ALDH1A2: variants seen among roughly 807,000 people sequenced by gnomAD.
ALDH1A2 encodes retinal dehydrogenase 2.
ALDH1A2 carries 27 observed loss-of-function variants against 60.3 expected under a neutral mutation model. That is an observed-to-expected ratio of 0.45 (90% CI 0.33 to 0.62). The LOEUF is 0.62. Among genes scored for constraint, ALDH1A2 ranks in the 20% least tolerant of loss-of-function variants. The pLI is 0.02. For missense variants in ALDH1A2, 581 were observed against 643.8 expected, an observed-to-expected ratio of 0.90 and a Z score of 1.06; for synonymous variants, 289 against 232.4, an observed-to-expected ratio of 1.24 and a Z score of -2.21.
intron 7 of ALDH1A2, chr15:57,980,239 C>T (rs368317073): frequency 6.3e-5 from 21 of 335,556 alleles, no homozygotes; most frequent in African/African-American, 2.8e-4. Flanking sequence ...CCCCGCTCTG[C>T]GGCCTCTTAG....
intron 7 of ALDH1A2, among the ~76,000 whole-genome samples, chr15:57,982,560 T>G (rs1894552144): frequency 6.6e-6 from 1 of 152,218 alleles, no homozygotes; most frequent in Non-Finnish European, 1.5e-5. Flanking sequence ...CAGGCTGAAC[T>G]ACATTAATGC....
chr15:57,992,126 A>G (rs1044078907), intron 7 of ALDH1A2, among the ~76,000 whole-genome samples: 1 of 152,274 alleles, frequency 6.6e-6, no homozygotes, highest in East Asian at 1.9e-4. Flanking sequence ...CTATAAATAA[A>G]CTTTAATTGG....
intron 1 of ALDH1A2, among the ~76,000 whole-genome samples, chr15:58,017,934 A>G (rs1392955983): frequency 1.3e-5 from 2 of 152,194 alleles, no homozygotes; most frequent in Non-Finnish European, 2.9e-5. Context: ...ACCTAGTCTT[A>G]TAAAATGACA....
intron 1 of ALDH1A2, among the ~76,000 whole-genome samples, chr15:58,060,517 T>C (rs1347065718): frequency 7.5e-6 from 1 of 132,604 alleles, no homozygotes; most frequent in East Asian, 2.5e-4. Context: ...CCTGGCATCA[T>C]ATCAGGCACT....
At chr15:58,012,187 T>A (rs1895652086) in intron 3 of ALDH1A2, 1 of 152,168 alleles carries the variant, frequency 6.6e-6, no homozygotes, top group Non-Finnish European at 1.5e-5. Context: ...GAAAGGCATT[T>A]GAGTTTTATT....
At chr15:57,976,768 G>A (rs1894273591) in intron 7 of ALDH1A2, among the ~76,000 whole-genome samples, 1 of 152,090 alleles carries the variant, frequency 6.6e-6, no homozygotes, top group Non-Finnish European at 1.5e-5. Flanking sequence ...ATAATCCTTT[G>A]GGTATATACC....
At chr15:58,048,547 G>A (rs1896692497) in intron 1 of ALDH1A2, among the ~76,000 whole-genome samples, 2 of 152,030 alleles carry the variant, frequency 1.3e-5, no homozygotes, top group Admixed American at 1.3e-4. Context: ...GTATGGATGG[G>A]GGATCTGCCC....
intron 1 of ALDH1A2, among the ~76,000 whole-genome samples, chr15:58,034,179 T>G (rs1896318049): frequency 6.6e-6 from 1 of 151,676 alleles, no homozygotes; most frequent in South Asian, 2.1e-4. Context: ...GTGGTTTCCC[T>G]TATAAATGTA....
intron 1 of ALDH1A2, among the ~76,000 whole-genome samples, chr15:58,036,132 T>C (rs1217571275): frequency 1.3e-5 from 2 of 151,704 alleles, no homozygotes; most frequent in African/African-American, 4.8e-5. Flanking sequence ...AAAGAAGTAA[T>C]AGTATATTTT....
At chr15:57,988,112 C>T (rs1894771766) in intron 7 of ALDH1A2, among the ~76,000 whole-genome samples, 1 of 152,050 alleles carries the variant, frequency 6.6e-6, no homozygotes, top group South Asian at 2.1e-4. Flanking sequence ...ATTCAAAAAA[C>T]AAATTTTAAA....
At chr15:58,019,093 A>T (rs1200150838) in intron 1 of ALDH1A2, among the ~76,000 whole-genome samples, 1 of 152,140 alleles carries the variant, frequency 6.6e-6, no homozygotes, top group Non-Finnish European at 1.5e-5. Context: ...TGTACACAGA[A>T]ATTTTTGCAC....
At chr15:57,973,046 A>G (rs999470096) in intron 7 of ALDH1A2, among the ~76,000 whole-genome samples, 2 of 152,224 alleles carry the variant, frequency 1.3e-5, no homozygotes, top group East Asian at 1.9e-4. Flanking sequence ...TACAGCTGTT[A>G]GCTACAAACA....
chr15:58,044,781 A>G (rs1896598593), intron 1 of ALDH1A2, among the ~76,000 whole-genome samples: 1 of 152,032 alleles, frequency 6.6e-6, no homozygotes, highest in African/African-American at 2.4e-5. Flanking sequence ...GAGGACCTCA[A>G]AACCAATCCT....
At chr15:58,054,047 C>T (rs1896838103) in intron 1 of ALDH1A2, among the ~76,000 whole-genome samples, 1 of 152,124 alleles carries the variant, frequency 6.6e-6, no homozygotes, top group African/African-American at 2.4e-5. Context: ...GTGGTTATTC[C>T]AGGTTCATTG....
chr15:58,046,199 T>C (rs551422298), intron 1 of ALDH1A2, among the ~76,000 whole-genome samples: 279 of 152,150 alleles, frequency 1.8e-3, no homozygotes, highest in African/African-American at 6.1e-3. Flanking sequence ...ATGTGAATGG[T>C]GCAGATGGTT....
Position 58,016,137 on chromosome 15 carries a change from A to ATTT in ALDH1A2, c.118-1859_118-1857dup, listed in dbSNP as rs532101226. ...GTATCACCAAGGCCCACTGATCCTA[A>ATTT]TTTTTTTTTTTTTTTTTTTTTAAGA... is the stretch of plus-strand genomic sequence containing the variant. On this transcript the variant is annotated intron_variant, in intron 1 of 12. Coordinates refer to ENST00000249750, the MANE Select transcript of ALDH1A2 (RefSeq NM_003888.4). 2.9e-3 allele frequency among the ~76,000 whole-genome samples: 391 copies of ATTT among 134,400 alleles called. 3 individuals are homozygous for ATTT. Among genetic ancestry groups the ATTT allele is most frequent in the African/African-American group, 0.01 (373 of 36,142 alleles). The allele number at this position is 134,400 out of a possible 152,430, so 88.2% of individuals were successfully genotyped here.
intron 1 of ALDH1A2, among the ~76,000 whole-genome samples, chr15:58,023,277 A>C (rs1230420376): frequency 5.9e-5 from 9 of 152,214 alleles, no homozygotes; most frequent in Non-Finnish European, 1.5e-5. Context: ...CCAGTAAAAC[A>C]AAACAAAGAA....
intron 1 of ALDH1A2, among the ~76,000 whole-genome samples, chr15:58,047,880 G>A (rs1195548712): frequency 6.6e-6 from 1 of 151,918 alleles, no homozygotes; most frequent in Non-Finnish European, 1.5e-5. Context: ...ATGATTGATT[G>A]CATTTTTCAC....
chr15:57,996,892 A>T (rs1425162023), intron 4 of ALDH1A2, among the ~76,000 whole-genome samples: 1 of 152,036 alleles, frequency 6.6e-6, no homozygotes, highest in African/African-American at 2.4e-5. Context: ...TTAATGATAG[A>T]GTGAACATCT....
Sources: allele counts gnomAD v4.1 joint callset (sites outside exome capture counted in the v4.1 genomes callset), GRCh38; gene constraint gnomAD v4.1.1; transcripts MANE v1.5; gene names NCBI Gene and HGNC (gene_info 2026-07-23, HGNC 2026-07-21).